Variants in TRPM3 observed in about 807,000 individuals in gnomAD.
TRPM3 encodes the protein transient receptor potential cation channel subfamily M member 3, also known as long transient receptor potential channel 3.
In TRPM3, 77 loss-of-function variants were observed where a neutral mutation model predicts 181.2. That is an observed-to-expected ratio of 0.42 (90% confidence interval 0.35 to 0.51). TRPM3 has a LOEUF of 0.51. TRPM3 is among the 20% of genes least tolerant of loss of function. The pLI is 0.01. For synonymous variants in TRPM3, 745 were observed against 796.4 expected, an observed-to-expected ratio of 0.94 and a Z score of 1.09; for missense variants, 1,759 against 2,196.7, an observed-to-expected ratio of 0.80 and a Z score of 3.98.
rs117108716 is a variant in TRPM3, at chr9:71,213,553, T to G, written c.183+233100A>C. ...TTACTTCATCTTTTTAAGGGAGAGA[T>G]ATGACAGAAATGGAAAACATCAGTA... On this transcript the variant is annotated intron_variant, in intron 1 of 24. Coordinates refer to the TRPM3 transcript ENST00000357533. Among the ~76,000 whole-genome samples the G allele has an allele frequency of 9.9e-3, 1,512 of 152,320 alleles. 11 individuals are homozygous for G. The highest frequency in any genetic ancestry group is 0.02 in the Middle Eastern group (6 of 294).
At chr9:71,326,138 T>C (rs1319255884) in intron 1 of TRPM3, among the ~76,000 whole-genome samples, 1 of 152,240 alleles carries the variant, frequency 6.6e-6, no homozygotes, top group Non-Finnish European at 1.5e-5. Flanking sequence ...ATTAAGCCTA[T>C]TTAACCTAAG....
Position 71,121,562 on chromosome 9 carries a change from A to G in TRPM3, c.-208T>C. The G allele has an allele frequency of 7.3e-7, 1 of 1,378,280 alleles. No individual in the cohort carries two copies. Among genetic ancestry groups the G allele is most frequent in the Non-Finnish European group, 9.4e-7 (1 of 1,068,786 alleles). 85.4% of individuals were successfully genotyped at this position (1,378,280 alleles called of 1,614,324 possible). A position where few individuals can be genotyped will look rare whatever the true frequency, so the allele number is the denominator to read the frequency against. On this transcript the variant is annotated 5_prime_UTR_variant, in exon 1 of 26. Coordinates refer to ENST00000677713, the MANE Select transcript of TRPM3 (RefSeq NM_001366145.2). ...GGGGAGGGGATGCACGATTTTGAAGAAGAGGGACAGCCTGCACAAAACAGC... is the reference window on the plus strand; with the variant it reads ...GGGGAGGGGATGCACGATTTTGAAGGAGAGGGACAGCCTGCACAAAACAGC...
chr9:70,808,211 G>A (rs554074793), intron 6 of TRPM3, among the ~76,000 whole-genome samples: 1 of 152,252 alleles, frequency 6.6e-6, no homozygotes, highest in South Asian at 2.1e-4. Flanking sequence ...AGTAAACATT[G>A]CTGACTTTGA....
chr9:70,877,247 C>A (rs962450451), intron 1 of TRPM3, among the ~76,000 whole-genome samples: 1 of 151,976 alleles, frequency 6.6e-6, no homozygotes, highest in Admixed American at 6.6e-5. Context: ...CTCACTTCTC[C>A]AAACTGTCTA....
intron 1 of TRPM3, among the ~76,000 whole-genome samples, chr9:71,237,817 G>C (rs1169281666): frequency 2.0e-5 from 3 of 152,152 alleles, no homozygotes; most frequent in African/African-American, 7.2e-5. Context: ...GGTCTAGTGA[G>C]GGCCTTCTTG....
At chr9:71,273,464 G>A (rs144395940) in intron 1 of TRPM3, among the ~76,000 whole-genome samples, 25 of 152,290 alleles carry the variant, frequency 1.6e-4, no homozygotes, top group African/African-American at 5.8e-4. Context: ...TAAGACCATA[G>A]AGACAGCACT....
chr9:71,221,490 TA>T (rs980362382), intron 1 of TRPM3, among the ~76,000 whole-genome samples: 11 of 152,232 alleles, frequency 7.2e-5, no homozygotes, highest in Middle Eastern at 3.4e-3. Context: ...TTATGTTTTT[TA>T]AAAAAAATAA....
chr9:71,001,067 T>C (rs1191092482), intron 1 of TRPM3, among the ~76,000 whole-genome samples: 1 of 152,218 alleles, frequency 6.6e-6, no homozygotes, highest in Non-Finnish European at 1.5e-5. Flanking sequence ...TTCATTCTCA[T>C]ACAGGAGAGA....
intron 1 of TRPM3, among the ~76,000 whole-genome samples, chr9:71,367,051 T>C (rs1425702505): frequency 1.3e-5 from 2 of 152,298 alleles, no homozygotes; most frequent in African/African-American, 2.4e-5. Flanking sequence ...AGGAACTGTC[T>C]TGTTCCAACA....
intron 8 of TRPM3, among the ~76,000 whole-genome samples, chr9:70,760,415 T>C (rs2077899122): frequency 6.9e-6 from 1 of 144,016 alleles, no homozygotes; most frequent in Admixed American, 7.1e-5. Context: ...ACATCCGAGA[T>C]GGGAGGATGT....
intron 1 of TRPM3, among the ~76,000 whole-genome samples, chr9:71,032,021 A>AT (rs1215780112): frequency 0.92 from 47,407 of 51,760 alleles, 21,575 homozygotes; most frequent in East Asian, 0.99. Context: ...TATAATATAT[A>AT]TATATAATAT....
chr9:71,138,818 C>G (rs955935209), intron 1 of TRPM3, among the ~76,000 whole-genome samples: 1 of 152,118 alleles, frequency 6.6e-6, no homozygotes, highest in Non-Finnish European at 1.5e-5. Context: ...TTACAACTTA[C>G]ATTTCACATA....
chr9:70,941,544 C>T (rs1255747097), intron 1 of TRPM3, among the ~76,000 whole-genome samples: 1 of 152,178 alleles, frequency 6.6e-6, no homozygotes, highest in East Asian at 1.9e-4. Flanking sequence ...CCTTAATAAA[C>T]CCCTCTTCAT....
intron 1 of TRPM3, among the ~76,000 whole-genome samples, chr9:70,911,859 A>G (rs1304103065): frequency 1.3e-5 from 2 of 152,080 alleles, no homozygotes; most frequent in African/African-American, 4.8e-5. Context: ...ATCATACCCA[A>G]TCATATCTTC....
chr9:70,552,060 G>A (rs1407553546), intron 24 of TRPM3, among the ~76,000 whole-genome samples: 1 of 152,184 alleles, frequency 6.6e-6, no homozygotes, highest in Non-Finnish European at 1.5e-5. Flanking sequence ...TAATCCCAGA[G>A]GCTCTTGTTC....
intron 8 of TRPM3, among the ~76,000 whole-genome samples, chr9:70,746,208 T>C (rs1453741058): frequency 1.3e-5 from 2 of 152,128 alleles, no homozygotes; most frequent in East Asian, 3.9e-4. Context: ...GCAAGAAACA[T>C]CTTCGACTTT....
intron 8 of TRPM3, among the ~76,000 whole-genome samples, chr9:70,744,281 T>A (rs1421904484): frequency 4.7e-5 from 7 of 150,346 alleles, no homozygotes; most frequent in Non-Finnish European, 7.4e-5. Flanking sequence ...TGAGCTGAGA[T>A]CATGCCACTG....
chr9:71,134,002 T>TGCGCGC (rs1209817970), intron 1 of TRPM3, among the ~76,000 whole-genome samples: 2 of 86,258 alleles, frequency 2.3e-5, no homozygotes, highest in Non-Finnish European at 5.0e-5. Flanking sequence ...TGTGTGTGTG[T>TGCGCGC]GTGTGTGTGT....
chr9:70,935,597 T>C (rs1188208497), intron 1 of TRPM3, among the ~76,000 whole-genome samples: 1 of 152,204 alleles, frequency 6.6e-6, no homozygotes, highest in Non-Finnish European at 1.5e-5. Flanking sequence ...TTTTGGTATC[T>C]ACCTTGCTCT....
Sources: allele counts gnomAD v4.1 joint callset (sites outside exome capture counted in the v4.1 genomes callset), GRCh38; gene constraint gnomAD v4.1.1; transcripts MANE v1.5; gene names NCBI Gene and HGNC (gene_info 2026-07-23, HGNC 2026-07-21).